PLB1: variants seen among roughly 807,000 people sequenced by gnomAD.
PLB1 encodes phospholipase B1, also known as phospholipase B1, membrane-associated.
In PLB1, 242 loss-of-function variants were observed where a neutral mutation model predicts 227.4. That is an observed-to-expected ratio of 1.06 (90% CI 0.96 to 1.18). The LOEUF is 1.18. Ranked by LOEUF, PLB1 falls within the 50% of genes most tolerant of loss-of-function variation. PLB1 has a pLI of 0.00. For synonymous variants in PLB1, 757 were observed against 682.2 expected, an observed-to-expected ratio of 1.11 and a Z score of -1.71; for missense variants, 1,858 against 1,816.3, an observed-to-expected ratio of 1.02 and a Z score of -0.42.
chr2:28,576,923 A>C (rs566659942), intron 21 of PLB1, among the ~76,000 whole-genome samples: 1 of 152,300 alleles, frequency 6.6e-6, no homozygotes, highest in African/African-American at 2.4e-5. Context: ...AGTAGGGCTA[A>C]TAGATAAGAG....
At chr2:28,642,789 G>A in intron 57 of PLB1, 69 bp from the exon 58 acceptor site, 1 of 1,344,278 alleles carries the variant, frequency 7.4e-7, no homozygotes, top group Non-Finnish European at 1.0e-6. Context: ...TGGGGACTAG[G>A]CAAGTCTTGG....
intron 24 of PLB1, 69 bp downstream of exon 24, chr2:28,582,202 CT>C: frequency 6.6e-7 from 1 of 1,514,724 alleles, no homozygotes; most frequent in South Asian, 1.1e-5. Flanking sequence ...CTCTGGCATC[CT>C]GCTGAGACCT....
intron 44 of PLB1, among the ~76,000 whole-genome samples, chr2:28,616,381 G>T (rs1410872517): frequency 6.6e-6 from 1 of 152,098 alleles, no homozygotes; most frequent in Non-Finnish European, 1.5e-5. Context: ...AATAATAAAA[G>T]CAAAACTAAT....
At chr2:28,577,985 A>G in intron 21 of PLB1, 122 bp from the exon 22 acceptor site, 2 of 914,656 alleles carry the variant, frequency 2.2e-6, no homozygotes, top group Non-Finnish European at 3.5e-6. Context: ...CCTTCAGTCC[A>G]TTTTCCTGCA....
At chr2:28,536,253 C>T (rs1034985814) in intron 9 of PLB1, among the ~76,000 whole-genome samples, 1 of 152,150 alleles carries the variant, frequency 6.6e-6, no homozygotes, top group African/African-American at 2.4e-5. Context: ...CAGCAACTAT[C>T]CATTAGGTGT....
intron 20 of PLB1, among the ~76,000 whole-genome samples, chr2:28,568,981 G>T (rs954516287): frequency 6.6e-6 from 1 of 152,124 alleles, no homozygotes; most frequent in Non-Finnish European, 1.5e-5. Context: ...CTTTCAAATC[G>T]CTCAGGTGAT....
intron 43 of PLB1, among the ~76,000 whole-genome samples, chr2:28,607,320 C>T (rs1360200252): frequency 2.0e-5 from 3 of 152,180 alleles, no homozygotes; most frequent in East Asian, 1.9e-4. Context: ...TCGGCCACAC[C>T]ACCCTCTCCC....
intron 6 of PLB1, among the ~76,000 whole-genome samples, chr2:28,527,507 T>A (rs1670431162): frequency 6.6e-6 from 1 of 152,204 alleles, no homozygotes; most frequent in African/African-American, 2.4e-5. Flanking sequence ...CACCTGACCA[T>A]CAATCTCAGA....
chr2:28,617,287 G>C (rs902791074), intron 44 of PLB1, among the ~76,000 whole-genome samples: 5 of 152,100 alleles, frequency 3.3e-5, no homozygotes, highest in African/African-American at 9.7e-5. Flanking sequence ...TATTGTCTAG[G>C]TTCTACCATT....
At chr2:28,557,550 C>T (rs2148230787) in intron 17 of PLB1, among the ~76,000 whole-genome samples, 1 of 152,314 alleles carries the variant, frequency 6.6e-6, no homozygotes, top group South Asian at 2.1e-4. Flanking sequence ...TGGGTATAAC[C>T]TTCCATGTAC....
At chr2:28,552,305 T>C (rs1395965564) in intron 16 of PLB1, among the ~76,000 whole-genome samples, 27 of 151,968 alleles carry the variant, frequency 1.8e-4, no homozygotes, top group Admixed American at 1.7e-3. Context: ...GGGGAGAGGG[T>C]AACTACTTGG....
intron 1 of PLB1, among the ~76,000 whole-genome samples, chr2:28,516,415 C>A (rs539134723): frequency 5.3e-5 from 8 of 152,276 alleles, no homozygotes; most frequent in Non-Finnish European, 1.2e-4. Context: ...TTATAATGTC[C>A]TTTGCCTTCC....
chr2:28,611,686 C>T (rs1032709574), intron 43 of PLB1, among the ~76,000 whole-genome samples: 44 of 152,280 alleles, frequency 2.9e-4, no homozygotes, highest in African/African-American at 9.9e-4. Flanking sequence ...GCTCCCAGAT[C>T]GCCCTCTTTG....
chr2:28,584,856 A>G (rs1444454004), intron 25 of PLB1, among the ~76,000 whole-genome samples: 2 of 152,202 alleles, frequency 1.3e-5, no homozygotes, highest in African/African-American at 4.8e-5. Context: ...AGAGATTAAG[A>G]GCTCAGGTTC....
intron 2 of PLB1, among the ~76,000 whole-genome samples, chr2:28,517,366 A>G (rs1208875870): frequency 6.6e-6 from 1 of 151,002 alleles, no homozygotes; most frequent in Admixed American, 6.7e-5. Flanking sequence ...TTTTTGGGGG[A>G]AAAGACACAA....
intron 20 of PLB1, among the ~76,000 whole-genome samples, chr2:28,568,367 A>C (rs1023024779): frequency 1.3e-5 from 2 of 152,250 alleles, no homozygotes; most frequent in African/African-American, 4.8e-5. Context: ...TAATTTACAA[A>C]GGATTGAGAC....
chr2:28,578,058 C>G lies in PLB1; in HGVS notation c.1434-49C>G, dbSNP rs75948904. The G allele has an allele frequency of 1.6e-3, 2,584 of 1,580,138 alleles. 44 individuals carry two copies. In the African/African-American group the frequency reaches 0.03, roughly 18 times the overall value. On this transcript the variant is annotated intron_variant, in intron 21 of 57. Coordinates refer to ENST00000327757, the MANE Select transcript of PLB1 (RefSeq NM_153021.5). ...ATTGCTGTTCTCTCTGCTAAGGGCC[C>G]CTGCCAGTCCCCACTCCTCACAGCA...
intron 13 of PLB1, among the ~76,000 whole-genome samples, chr2:28,542,635 A>G (rs1022661915): frequency 6.6e-6 from 1 of 151,862 alleles, no homozygotes; most frequent in African/African-American, 2.4e-5. Flanking sequence ...GCTCCTCTCC[A>G]TCCATCTCTG....
chr2:28,518,446 A>C lies in PLB1; in HGVS notation c.118-20A>C, dbSNP rs1669114596. ...CTATACAAGGCAGTTGATGTTTCTGATGTTCGTTTTCAATTGCAGACCCTG... is the reference window on the plus strand; with the variant it reads ...CTATACAAGGCAGTTGATGTTTCTGCTGTTCGTTTTCAATTGCAGACCCTG... On this transcript the variant is annotated intron_variant, in intron 2 of 57. Transcript: ENST00000327757. 4 of 1,591,050 alleles carry C rather than the reference A, an allele frequency of 2.5e-6. No individual in the cohort carries two copies. Among genetic ancestry groups the C allele is most frequent in the Non-Finnish European group, 3.5e-6 (4 of 1,159,060 alleles).
Sources: allele counts gnomAD v4.1 joint callset (sites outside exome capture counted in the v4.1 genomes callset), GRCh38; gene constraint gnomAD v4.1.1; transcripts MANE v1.5; gene names NCBI Gene and HGNC (gene_info 2026-07-23, HGNC 2026-07-21).